SLC7A11: variants seen among roughly 807,000 people sequenced by gnomAD.
The protein encoded by SLC7A11 is solute carrier family 7 member 11.
SLC7A11 carries 35 observed loss-of-function variants against 54.5 expected under a neutral mutation model. The ratio of observed to expected loss-of-function variants is 0.64; its 90% confidence interval spans 0.49 to 0.85. The LOEUF is 0.85. SLC7A11 is among the 40% of genes least tolerant of loss of function. The probability of loss-of-function intolerance (pLI) is 0.00; values close to 1 mark genes in which losing one functional copy is unlikely to be tolerated. For synonymous variants in SLC7A11, 230 were observed against 225.2 expected, an observed-to-expected ratio of 1.02 and a Z score of -0.19; for missense variants, 583 against 618.1, an observed-to-expected ratio of 0.94 and a Z score of 0.60.
rs1266957020 is a variant in SLC7A11 at position 138,170,230 on chromosome 4, A to ATATATATATATATATATATAT, written c.*1725_*1726insATATATATATATATATATATA. 125 of 98,242 alleles carry ATATATATATATATATATATAT rather than the reference A, an allele frequency of 1.3e-3. No individual in the cohort carries two copies. Among genetic ancestry groups the ATATATATATATATATATATAT allele is most frequent in the Non-Finnish European group, 2.1e-3 (106 of 49,726 alleles). The allele number at this position is 98,242 out of a possible 1,614,324, so 6.1% of individuals were successfully genotyped here. A position where few individuals can be genotyped will look rare whatever the true frequency, so the allele number is the denominator to read the frequency against. ...CTATATATATATATATATATATATA[A>ATATATATATATATATATATAT]AAAGTGTGTGTGTGTGTGTGTATAT... On this transcript the variant is annotated 3_prime_UTR_variant, in exon 12 of 12. Transcript: ENST00000280612.
chr4:138,231,168 C>T (rs1398923), intron 3 of SLC7A11, among the ~76,000 whole-genome samples: 61,825 of 151,732 alleles, frequency 0.41, 13,504 homozygotes, highest in Middle Eastern at 0.61. Flanking sequence ...AAATAATAGA[C>T]ATCGGAGACT....
intron 3 of SLC7A11, among the ~76,000 whole-genome samples, chr4:138,227,215 G>C (rs189724364): frequency 3.3e-5 from 5 of 152,280 alleles, no homozygotes; most frequent in African/African-American, 1.2e-4. Context: ...TGAATTCTGA[G>C]TACTTTGTGC....
rs34896335 is a variant in SLC7A11, at chr4:138,236,983, C to CTTT, written c.278-535_278-533dup. ...ATGGACTCTCTGACTTGCAAGATTT[C>CTTT]TTTTTTTTTTTTTTTTTTTTGAGAC... On this transcript the variant is annotated intron_variant, in intron 1 of 11. Transcript: ENST00000280612. Among the ~76,000 whole-genome samples, 319 of 111,900 alleles carry CTTT rather than the reference C, an allele frequency of 2.9e-3. 2 individuals are homozygous for CTTT. The highest frequency in any genetic ancestry group is 6.4e-3 in the Middle Eastern group (1 of 156). 73.4% of individuals were successfully genotyped at this position (111,900 alleles called of 152,430 possible). A position where few individuals can be genotyped will look rare whatever the true frequency, so the allele number is the denominator to read the frequency against.
intron 5 of SLC7A11, 55 bp downstream of exon 5, chr4:138,219,211 G>T: frequency 3.1e-6 from 3 of 969,742 alleles, no homozygotes; most frequent in Non-Finnish European, 3.3e-6. Context: ...TAATCTGAGT[G>T]CATAATGGGA....
At chr4:138,220,766 AG>A (rs1333413626) in intron 4 of SLC7A11, among the ~76,000 whole-genome samples, 1 of 152,200 alleles carries the variant, frequency 6.6e-6, no homozygotes, top group Non-Finnish European at 1.5e-5. Flanking sequence ...AATAAACAGA[AG>A]GGGGACAGGG....
chr4:138,199,002 G>A (rs1014223222), intron 6 of SLC7A11, among the ~76,000 whole-genome samples: 1 of 152,102 alleles, frequency 6.6e-6, no homozygotes, highest in African/African-American at 2.4e-5. Context: ...AATCTAAATG[G>A]CAGGGCACAC....
Position 138,236,420 on chromosome 4 carries a change from A to G in SLC7A11, c.309T>C (p.Thr103=), listed in dbSNP as rs1307500204. 6.8e-6 allele frequency: 11 copies of G among 1,611,926 alleles called. No homozygotes were observed. The highest frequency in any genetic ancestry group is 8.5e-6 in the Non-Finnish European group (10 of 1,179,184). The change falls in exon 2 of 12, where the codon ACT becomes ACC. Residue 103 remains threonine (T), a synonymous_variant. Coordinates refer to ENST00000280612, the MANE Select transcript of SLC7A11 (RefSeq NM_014331.4). ...GALSYAELGT[T]IKKSGGHYTY... is the part of the protein sequence containing the mutation. The stretch of plus-strand genomic sequence containing the variant: ...TGTAATGACCTCCAGATTTCTTTAT[A>G]GTTGTTCCCAATTCAGCATAAGACA...
intron 4 of SLC7A11, among the ~76,000 whole-genome samples, chr4:138,220,345 A>G (rs563978410): frequency 6.6e-6 from 1 of 152,236 alleles, no homozygotes; most frequent in African/African-American, 2.4e-5. Flanking sequence ...TTCAACCTAT[A>G]ATAGCAGAGT....
At chr4:138,199,991 A>G (rs1192055948) in intron 6 of SLC7A11, among the ~76,000 whole-genome samples, 1 of 152,110 alleles carries the variant, frequency 6.6e-6, no homozygotes, top group African/African-American at 2.4e-5. Context: ...ACCTTTTTCC[A>G]CAAGACCCAG....
intron 6 of SLC7A11, among the ~76,000 whole-genome samples, chr4:138,196,645 A>AATT (rs1737138995): frequency 6.6e-6 from 1 of 151,676 alleles, no homozygotes; most frequent in East Asian, 1.9e-4. Flanking sequence ...AATTTAATTT[A>AATT]ATTTTTATTA....
chr4:138,236,933 A>C (rs1738221903), intron 1 of SLC7A11, among the ~76,000 whole-genome samples: 1 of 151,518 alleles, frequency 6.6e-6, no homozygotes, highest in Non-Finnish European at 1.5e-5. Context: ...AAAATGAACA[A>C]GCTGTATCCA....
intron 3 of SLC7A11, among the ~76,000 whole-genome samples, chr4:138,226,570 C>T (rs992814061): frequency 7.3e-5 from 9 of 122,476 alleles, no homozygotes; most frequent in African/African-American, 2.4e-4. Context: ...AGGCAGCCAG[C>T]GAGAGGTACA....
chr4:138,221,333 C>T (rs970991680), intron 4 of SLC7A11, among the ~76,000 whole-genome samples: 9 of 152,124 alleles, frequency 5.9e-5, no homozygotes, highest in Non-Finnish European at 1.2e-4. Flanking sequence ...TAAGTGAATA[C>T]ATAACATACA....
intron 6 of SLC7A11, among the ~76,000 whole-genome samples, chr4:138,195,850 GTCA>G (rs1468558215): frequency 6.6e-6 from 1 of 152,168 alleles, no homozygotes; most frequent in Admixed American, 6.6e-5. Context: ...GAGAAGGGTT[GTCA>G]GGACGGTTTG....
At chr4:138,219,712 A>G (rs1291009392) in intron 4 of SLC7A11, among the ~76,000 whole-genome samples, 3 of 152,230 alleles carry the variant, frequency 2.0e-5, no homozygotes, top group Admixed American at 6.5e-5. Flanking sequence ...GAATTCTTAA[A>G]AGATAGAATT....
rs1364374855 is a variant in SLC7A11, at chr4:138,166,277, TA to T, written c.*5678del. ...ATGTCTAAATTTTATAATACACATT[TA>T]AGTCAGACCACTCACAACCCAACAA... On this transcript the variant is annotated 3_prime_UTR_variant, in exon 12 of 12. Transcript: ENST00000280612. 1 of 152,152 alleles carries T rather than the reference TA, an allele frequency of 6.6e-6. No homozygotes were observed. The highest frequency in any genetic ancestry group is 1.5e-5 in the Non-Finnish European group (1 of 68,030). The allele number at this position is 152,152 out of a possible 1,614,324, so 9.4% of individuals were successfully genotyped here.
intron 5 of SLC7A11, 30 bp from the exon 6 acceptor site, chr4:138,214,659 TTAA>T (rs1159392584): frequency 1.2e-6 from 1 of 833,700 alleles, no homozygotes; most frequent in Non-Finnish European, 1.8e-6. Flanking sequence ...TTATAAACTA[TTAA>T]TATATTTTAC....
At position 138,165,690 on chromosome 4, in the gene SLC7A11, C is replaced by T. The variant is rs1323784538; in HGVS notation, c.*6266G>A. On this transcript the variant is annotated 3_prime_UTR_variant, in exon 12 of 12. Transcript: ENST00000280612. ...TAAAGCAAAATATATCCTGATACTA[C>T]TATAGATTCTAGGAATTGTCCTAAA... The T allele has an allele frequency of 1.3e-5, 2 of 152,096 alleles. No homozygotes were observed. The allele number at this position is 152,096 out of a possible 1,614,324, so 9.4% of individuals were successfully genotyped here.
rs773374976 is a variant in SLC7A11 at position 138,182,385 on chromosome 4, T to C, written c.1028A>G (p.Tyr343Cys). The C allele has an allele frequency of 1.0e-5, 16 of 1,600,958 alleles. No homozygotes were observed. The Admixed American group carries it at 2.3e-4, about 23-fold the overall frequency. Reference sequence around the variant, plus strand: ...AAGGTGACCCTCTCGAGACGCAACATAGAATAACCTGATGGGAGAGAAATG... The same window carrying C: ...AAGGTGACCCTCTCGAGACGCAACACAGAATAACCTGATGGGAGAGAAATG... Reference protein sequence around the residue: ...GGVFAVSRLFYVASREGHLPE... With the variant: ...GGVFAVSRLFCVASREGHLPE... The change falls in exon 9 of 12, where the codon TAT becomes TGT. Residue 343 changes from tyrosine (Y) to cysteine (C), a missense_variant. Transcript: ENST00000280612.
Sources: allele counts gnomAD v4.1 joint callset (sites outside exome capture counted in the v4.1 genomes callset), GRCh38; gene constraint gnomAD v4.1.1; transcripts MANE v1.5; gene names NCBI Gene and HGNC (gene_info 2026-07-23, HGNC 2026-07-21).